Variants in SPOCK1 observed in about 807,000 individuals in gnomAD.
SPOCK1 encodes the protein SPARC (osteonectin), cwcv and kazal like domains proteoglycan 1.
A neutral mutation model predicts 55.3 loss-of-function variants in SPOCK1; 23 were observed. The observed-to-expected ratio is 0.42, with a 90% CI of 0.30 to 0.59. The LOEUF is 0.59. SPOCK1 is among the 20% of genes least tolerant of loss of function. The probability of loss-of-function intolerance (pLI) is 0.22; values close to 1 mark genes in which losing one functional copy is unlikely to be tolerated. For synonymous variants in SPOCK1, 226 were observed against 221.0 expected (o/e 1.02, Z -0.20); for missense variants, 499 against 552.5 (o/e 0.90, Z 0.97).
intron 5 of SPOCK1, among the ~76,000 whole-genome samples, chr5:137,088,411 T>A (rs1752998734): frequency 6.6e-6 from 1 of 152,232 alleles, no homozygotes. Context: ...ACGAACGATG[T>A]CTATCTCCCA....
chr5:137,299,571 A>G (rs2127135750), intron 2 of SPOCK1, among the ~76,000 whole-genome samples: 1 of 152,194 alleles, frequency 6.6e-6, no homozygotes, highest in Non-Finnish European at 1.5e-5. Flanking sequence ...TTAGCATATC[A>G]TACAGTATAG....
In SPOCK1 at chr5:137,200,920, T is replaced by C. The variant is rs1755413980; in HGVS notation, c.233-60226A>G. 2.0e-5 allele frequency among the ~76,000 whole-genome samples: 3 copies of C among 152,174 alleles called. No homozygotes were observed. The South Asian group carries it at 6.2e-4, about 31-fold the overall frequency. On this transcript the variant is annotated intron_variant, in intron 3 of 10. Coordinates refer to ENST00000394945, the MANE Select transcript of SPOCK1 (RefSeq NM_004598.4). ...CTGTTAATGACACTGTGAGTATGAA[T>C]TGAAAAGTTGGGCCAGTGACACTGT...
In SPOCK1 at chr5:137,060,742, C is replaced by T. The variant is rs544119367; in HGVS notation, c.589+6973G>A. Reference sequence around the variant, plus strand: ...CCGTTCACTGAACTCTGGTTCCGACCGCAGCTACCCTTTGCCTCAGCTTAT... The same window carrying T: ...CCGTTCACTGAACTCTGGTTCCGACTGCAGCTACCCTTTGCCTCAGCTTAT... On this transcript the variant is annotated intron_variant, in intron 6 of 10. Coordinates refer to ENST00000394945, the MANE Select transcript of SPOCK1 (RefSeq NM_004598.4). 1.1e-4 allele frequency among the ~76,000 whole-genome samples: 17 copies of T among 152,236 alleles called. No homozygotes were observed. The East Asian group carries it at 2.7e-3, about 24-fold the overall frequency.
chr5:137,181,057 C>T (rs1754961230), intron 3 of SPOCK1, among the ~76,000 whole-genome samples: 3 of 152,054 alleles, frequency 2.0e-5, no homozygotes, highest in African/African-American at 7.2e-5. Context: ...TCTGGAGTTC[C>T]AATCTCACAA....
intron 2 of SPOCK1, among the ~76,000 whole-genome samples, chr5:137,306,292 G>A (rs896506701): frequency 3.3e-5 from 5 of 152,198 alleles, no homozygotes; most frequent in African/African-American, 9.7e-5. Flanking sequence ...TTTGGTGCTC[G>A]TTGCTGCCTG....
chr5:137,430,989 C>T (rs1752731973), intron 2 of SPOCK1, among the ~76,000 whole-genome samples: 1 of 152,170 alleles, frequency 6.6e-6, no homozygotes, highest in Admixed American at 6.5e-5. Flanking sequence ...TTTATAAAGA[C>T]AGTCCAAGCT....
chr5:137,113,647 G>A (rs1055791466), intron 4 of SPOCK1, among the ~76,000 whole-genome samples: 4 of 152,166 alleles, frequency 2.6e-5, no homozygotes, highest in Non-Finnish European at 5.9e-5. Context: ...AAGATTAAAT[G>A]AGCGGATGTA....
chr5:137,184,800 C>CT (rs1181371620), intron 3 of SPOCK1, among the ~76,000 whole-genome samples: 4 of 152,130 alleles, frequency 2.6e-5, no homozygotes, highest in African/African-American at 7.2e-5. Flanking sequence ...TCAATGCCCC[C>CT]TCTCCCTCCT....
At chr5:137,498,227 C>G (rs1204470452) in intron 2 of SPOCK1, 146 bp downstream of exon 2, 1 of 817,660 alleles carries the variant, frequency 1.2e-6, no homozygotes, top group African/African-American at 1.8e-5. Context: ...CTGGGACCGA[C>G]CAGCCCCCGC....
intron 3 of SPOCK1, among the ~76,000 whole-genome samples, chr5:137,230,071 G>A (rs1359922288): frequency 6.6e-6 from 1 of 152,216 alleles, no homozygotes. Context: ...GCCAGTCAGA[G>A]ACAAGATTGG....
At chr5:136,983,906 GACATCTTATCAC>G (rs1299462057) in intron 9 of SPOCK1, among the ~76,000 whole-genome samples, 2 of 152,178 alleles carry the variant, frequency 1.3e-5, no homozygotes, top group Admixed American at 6.5e-5. Flanking sequence ...GGGTAAATGA[GACATCTTATCAC>G]AGGTGACCCT....
In SPOCK1 at chr5:137,267,075, AAAAC is replaced by A. The variant is rs1339153467; in HGVS notation, c.187-24_187-21del. On this transcript the variant is annotated intron_variant, in intron 2 of 10. Transcript: ENST00000394945. ...ATCATCCTATATAAGGAAAAAATAG[AAAAC>A]AAAGGTCAGAGTTCAAAAAGCTTCT... 1.2e-6 allele frequency: 2 copies of A among 1,607,740 alleles called. No individual in the cohort carries two copies. The highest frequency in any genetic ancestry group is 1.1e-5 in the South Asian group (1 of 90,660).
intron 2 of SPOCK1, among the ~76,000 whole-genome samples, chr5:137,336,953 T>A (rs1726123600): frequency 1.3e-5 from 2 of 152,110 alleles, no homozygotes; most frequent in African/African-American, 4.8e-5. Flanking sequence ...CCAGAGTGAA[T>A]GATTCACCCA....
At chr5:137,354,431 C>T (rs1252880862) in intron 2 of SPOCK1, among the ~76,000 whole-genome samples, 1 of 152,086 alleles carries the variant, frequency 6.6e-6, no homozygotes, top group Non-Finnish European at 1.5e-5. Flanking sequence ...CCCTTGACCC[C>T]CCCAGGCAGC....
chr5:137,291,387 C>G (rs1353573385), intron 2 of SPOCK1, among the ~76,000 whole-genome samples: 1 of 152,226 alleles, frequency 6.6e-6, no homozygotes, highest in Admixed American at 6.5e-5. Flanking sequence ...AAAGAGTTAA[C>G]TTTACACAGC....
At chr5:137,141,896 A>T (rs1279053024) in intron 3 of SPOCK1, among the ~76,000 whole-genome samples, 1 of 152,222 alleles carries the variant, frequency 6.6e-6, no homozygotes, top group Non-Finnish European at 1.5e-5. Flanking sequence ...CAAAGACAGC[A>T]GTTCATATAT....
chr5:137,452,091 C>T (rs1228266864), intron 2 of SPOCK1, among the ~76,000 whole-genome samples: 1 of 152,146 alleles, frequency 6.6e-6, no homozygotes, highest in African/African-American at 2.4e-5. Context: ...TTGGATTTTC[C>T]AGTGTTTCAG....
intron 4 of SPOCK1, 30 bp from the exon 5 acceptor site, chr5:137,112,591 G>A (rs766007463): frequency 6.2e-7 from 1 of 1,609,106 alleles, no homozygotes; most frequent in South Asian, 1.1e-5. Context: ...GGATAAATTA[G>A]TTGAAGCTCC....
At chr5:137,360,816 T>C (rs968484457) in intron 2 of SPOCK1, among the ~76,000 whole-genome samples, 10 of 152,234 alleles carry the variant, frequency 6.6e-5, no homozygotes, top group African/African-American at 2.4e-4. Flanking sequence ...TGGGACTGGC[T>C]TCCTCTGGGA....
Sources: allele counts gnomAD v4.1 joint callset (sites outside exome capture counted in the v4.1 genomes callset), GRCh38; gene constraint gnomAD v4.1.1; transcripts MANE v1.5; gene names NCBI Gene and HGNC (gene_info 2026-07-23, HGNC 2026-07-21).